The following CR1L variants were observed in gnomAD, a reference collection of about 807,000 sequenced individuals.
The protein encoded by CR1L is complement C3b/C4b receptor 1 like.
CR1L carries 59 observed loss-of-function variants against 62.3 expected under a neutral mutation model. That is an observed-to-expected ratio of 0.95 (90% CI 0.77 to 1.18). The LOEUF (loss-of-function observed/expected upper bound fraction) is 1.18, where lower values mean the gene tolerates loss of function less well. Ranked by LOEUF, CR1L falls within the 50% of genes most tolerant of loss-of-function variation. CR1L has a pLI of 0.00. For missense variants in CR1L, 700 were observed against 702.8 expected, an observed-to-expected ratio of 1.00 and a Z score of 0.04; for synonymous variants, 279 against 248.7, an observed-to-expected ratio of 1.12 and a Z score of -1.15.
chr1:207,661,693 G>A (rs1663426773), intron 1 of CR1L, among the ~76,000 whole-genome samples: 1 of 152,052 alleles, frequency 6.6e-6, no homozygotes, highest in Non-Finnish European at 1.5e-5. Context: ...TCATTATGAT[G>A]TTAGCTGGTT....
At chr1:207,652,891 A>G (rs1039600065) in intron 1 of CR1L, among the ~76,000 whole-genome samples, 6 of 152,180 alleles carry the variant, frequency 3.9e-5, no homozygotes, top group African/African-American at 1.4e-4. Context: ...AGAAATTGAA[A>G]TCTCCAAGAA....
chr1:207,710,798 A>G, intron 10 of CR1L: 1 of 1,566,244 alleles, frequency 6.4e-7, no homozygotes, highest in Non-Finnish European at 8.8e-7. Context: ...TGTTTGCCTG[A>G]GGCCTAGAAG....
At chr1:207,705,854 A>G in intron 9 of CR1L, among the ~76,000 whole-genome samples, 1 of 151,994 alleles carries the variant, frequency 6.6e-6, no homozygotes, top group East Asian at 1.9e-4. Context: ...AAACCAGGAA[A>G]ACTTTCAGAA....
intron 4 of CR1L, among the ~76,000 whole-genome samples, chr1:207,685,092 G>A (rs1663878633): frequency 6.6e-6 from 1 of 151,766 alleles, no homozygotes; most frequent in Admixed American, 6.6e-5. Context: ...GAATTTTCTT[G>A]GAAATATTAA....
At chr1:207,683,828 A>G (rs1165493448) in intron 3 of CR1L, 44 bp from the exon 4 acceptor site, 2 of 1,554,024 alleles carry the variant, frequency 1.3e-6, no homozygotes, top group Non-Finnish European at 1.8e-6. Context: ...TGGGTAGTTG[A>G]CCTGTGTATT....
rs1004188641 is a variant in CR1L, at chr1:207,645,223, C to G, written c.-11C>G. The G allele has an allele frequency of 1.7e-5, 27 of 1,612,344 alleles. No individual in the cohort carries two copies. In the African/African-American group the frequency reaches 2.9e-4, roughly 18 times the overall value. On this transcript the variant is annotated 5_prime_UTR_variant, in exon 1 of 12. Transcript: ENST00000508064. Reference sequence around the variant, plus strand: ...ACCTCCGGATAAATCACGGGGTCTCCCGCGCCGCTCATGGCGCCTCCCGTC... The same window carrying G: ...ACCTCCGGATAAATCACGGGGTCTCGCGCGCCGCTCATGGCGCCTCCCGTC...
At chr1:207,665,955 T>C (rs1663516065) in intron 1 of CR1L, among the ~76,000 whole-genome samples, 2 of 152,190 alleles carry the variant, frequency 1.3e-5, no homozygotes, top group African/African-American at 4.8e-5. Flanking sequence ...TGTTGGACCA[T>C]GTATACATGG....
intron 8 of CR1L, among the ~76,000 whole-genome samples, chr1:207,699,612 CT>C (rs1664161018): frequency 6.6e-6 from 1 of 152,076 alleles, no homozygotes; most frequent in Non-Finnish European, 1.5e-5. Flanking sequence ...TCCTTCAGTT[CT>C]TTTTTCCCTT....
intron 1 of CR1L, among the ~76,000 whole-genome samples, chr1:207,674,590 G>A (rs1344219574): frequency 1.3e-5 from 2 of 152,100 alleles, no homozygotes; most frequent in African/African-American, 2.4e-5. Flanking sequence ...AGAATATTAG[G>A]TAATTAAGGG....
chr1:207,663,596 G>C (rs898982117), intron 1 of CR1L, among the ~76,000 whole-genome samples: 1 of 152,216 alleles, frequency 6.6e-6, no homozygotes, highest in African/African-American at 2.4e-5. Context: ...ATTCCCAGGT[G>C]AGGCGATGCC....
At chr1:207,670,225 A>G (rs1410240681) in intron 1 of CR1L, among the ~76,000 whole-genome samples, 2 of 151,062 alleles carry the variant, frequency 1.3e-5, no homozygotes, top group Non-Finnish European at 2.9e-5. Context: ...CGCCATCATC[A>G]TGATGCACTT....
chr1:207,679,058 G>A (rs1197618205), intron 3 of CR1L, among the ~76,000 whole-genome samples: 7 of 148,442 alleles, frequency 4.7e-5, no homozygotes, highest in East Asian at 4.0e-4. Flanking sequence ...GTGCAGTGGC[G>A]AGATCTCGGC....
intron 1 of CR1L, among the ~76,000 whole-genome samples, chr1:207,645,580 C>A (rs1352375623): frequency 6.6e-6 from 1 of 152,148 alleles, no homozygotes; most frequent in East Asian, 1.9e-4. Flanking sequence ...TGGCTGCGTT[C>A]CCAAAAGAAG....
At chr1:207,719,880 T>C (rs1276573836) in intron 11 of CR1L, among the ~76,000 whole-genome samples, 7 of 152,196 alleles carry the variant, frequency 4.6e-5, no homozygotes, top group Non-Finnish European at 1.0e-4. Context: ...TGGGGTAGCC[T>C]GGGTTCAGCC....
intron 9 of CR1L, 81 bp downstream of exon 9, chr1:207,701,699 T>C: frequency 6.3e-7 from 1 of 1,576,172 alleles, no homozygotes; most frequent in East Asian, 2.2e-5. Flanking sequence ...GGAAGGAAAC[T>C]AGGCTGTTGC....
At chr1:207,672,521 G>GA (rs770452451) in intron 1 of CR1L, among the ~76,000 whole-genome samples, 127 of 151,906 alleles carry the variant, frequency 8.4e-4, no homozygotes, top group Non-Finnish European at 1.7e-3. Flanking sequence ...TCAGCAGGCA[G>GA]AAAATCCATA....
intron 1 of CR1L, among the ~76,000 whole-genome samples, chr1:207,660,366 G>A (rs1164228632): frequency 1.3e-5 from 2 of 152,212 alleles, no homozygotes; most frequent in Admixed American, 6.5e-5. Flanking sequence ...TGCAGCCTCC[G>A]CTGGTGATAC....
intron 8 of CR1L, 103 bp downstream of exon 8, chr1:207,699,377 A>G (rs1664157602): frequency 1.4e-6 from 2 of 1,395,494 alleles, no homozygotes; most frequent in East Asian, 4.6e-5. Flanking sequence ...TCTAATCTGA[A>G]TTATTGATTT....
intron 4 of CR1L, among the ~76,000 whole-genome samples, chr1:207,692,872 A>G (rs1404380951): frequency 1.3e-5 from 2 of 152,218 alleles, no homozygotes; most frequent in Admixed American, 6.5e-5. Flanking sequence ...AAATGAAAAC[A>G]TACCCGCATA....
Sources: allele counts gnomAD v4.1 joint callset (sites outside exome capture counted in the v4.1 genomes callset), GRCh38; gene constraint gnomAD v4.1.1; transcripts MANE v1.5; gene names NCBI Gene and HGNC (gene_info 2026-07-23, HGNC 2026-07-21).